The following HK1 variants were observed in gnomAD, a reference collection of about 807,000 sequenced individuals.
The protein encoded by HK1 is hexokinase 1.
In HK1, 28 loss-of-function variants were observed where a neutral mutation model predicts 91.6. The ratio of observed to expected loss-of-function variants is 0.31; its 90% CI spans 0.23 to 0.42. The LOEUF is 0.42. Ranked by LOEUF, HK1 falls within the 10% of genes least tolerant of loss-of-function variation. The probability of loss-of-function intolerance (pLI) is 1.00; values close to 1 mark genes in which losing one functional copy is unlikely to be tolerated. For missense variants in HK1, 770 were observed against 1,219.8 expected, an observed-to-expected ratio of 0.63 and a Z score of 5.49; for synonymous variants, 430 against 468.1, an observed-to-expected ratio of 0.92 and a Z score of 1.05.
intron 14 of HK1, 26 bp downstream of exon 14, chr10:69,389,322 C>A: frequency 1.3e-6 from 2 of 1,547,530 alleles, no homozygotes; most frequent in Non-Finnish European, 1.8e-6. Flanking sequence ...GGTCTCTTTC[C>A]CTGCAGAAGG....
At chr10:69,276,118 A>AAAAAAAAATATATATATATATATATAT in intron 1 of HK1, among the ~76,000 whole-genome samples, 1 of 38,272 alleles carries the variant, frequency 2.6e-5, no homozygotes, top group Non-Finnish European at 5.1e-5. Flanking sequence ...AAAAAAAAAA[A>AAAAAAAAATATATATATATATATATAT]ATACATATAT....
intron 1 of HK1, among the ~76,000 whole-genome samples, chr10:69,325,053 T>C (rs894510957): frequency 1.4e-5 from 2 of 144,472 alleles, no homozygotes; most frequent in South Asian, 4.5e-4. Flanking sequence ...TATTTTTTTT[T>C]TTTTTTTTTT....
At chr10:69,313,582 C>G (rs1041016011), upstream of HK1, among the ~76,000 whole-genome samples, 4 of 152,210 alleles carry the variant, frequency 2.6e-5, no homozygotes, top group Non-Finnish European at 5.9e-5. Context: ...CCTGCCTCAG[C>G]CTCCCAAGTA....
intron 8 of HK1, among the ~76,000 whole-genome samples, chr10:69,377,989 G>T (rs987447937): frequency 6.6e-6 from 1 of 152,232 alleles, no homozygotes; most frequent in African/African-American, 2.4e-5. Context: ...ATTTGCATCA[G>T]CTCTCTTTGA....
At position 69,398,575 on chromosome 10, in the gene HK1, C is replaced by T; in HGVS notation, c.2376-20C>T. 6.2e-7 allele frequency: 1 copy of T among 1,604,926 alleles called. No individual in the cohort carries two copies. Among genetic ancestry groups the T allele is most frequent in the South Asian group, 1.1e-5 (1 of 90,328 alleles). ...TGTGGGTCCTGCTTCATCCAGCCCT[C>T]TGGCTCTTGTCCCCCACAGTGACCG... On this transcript the variant is annotated intron_variant, in intron 16 of 17. Transcript: ENST00000359426.
intron 9 of HK1, among the ~76,000 whole-genome samples, chr10:69,381,235 C>G (rs1305293445): frequency 6.6e-6 from 1 of 151,988 alleles, no homozygotes; most frequent in African/African-American, 2.4e-5. Flanking sequence ...GTTGCAGTGA[C>G]CTGATGTGCC....
intron 11 of HK1, 141 bp downstream of exon 11, chr10:69,384,622 A>T: frequency 7.1e-7 from 1 of 1,418,032 alleles, no homozygotes; most frequent in Non-Finnish European, 9.9e-7. Context: ...GCTTTTTGCC[A>T]TGCCTGGCTT....
At chr10:69,330,207 G>A (rs1336910637) in intron 1 of HK1, among the ~76,000 whole-genome samples, 2 of 152,172 alleles carry the variant, frequency 1.3e-5, no homozygotes, top group African/African-American at 2.4e-5. Context: ...TGCCTTCTAG[G>A]ACCCTGTCTG....
intron 1 of HK1, among the ~76,000 whole-genome samples, chr10:69,324,380 C>G (rs567196185): frequency 6.6e-6 from 1 of 151,914 alleles, no homozygotes. Context: ...CATTTGAGGT[C>G]AGGAGGTCGA....
chr10:69,358,016 G>A (rs1217829102), intron 2 of HK1, among the ~76,000 whole-genome samples: 1 of 152,160 alleles, frequency 6.6e-6, no homozygotes, highest in Non-Finnish European at 1.5e-5. Flanking sequence ...TTTCAATAAT[G>A]CTGTTACATA....
At chr10:69,396,058 G>C (rs111532150) in intron 16 of HK1, among the ~76,000 whole-genome samples, 3,627 of 152,242 alleles carry the variant, frequency 0.024, 112 homozygotes, top group African/African-American at 0.069. Flanking sequence ...AATCACTTGA[G>C]TTCAGGTGTT....
chr10:69,318,787 G>T (rs547557166), upstream of HK1: 744 of 1,350,618 alleles, frequency 5.5e-4, no homozygotes, highest in South Asian at 1.4e-3. Context: ...CGCGGAGACC[G>T]GGAGCGCGCG....
intron 15 of HK1, 24 bp from the exon 16 acceptor site, chr10:69,394,926 C>T: frequency 6.2e-7 from 1 of 1,613,680 alleles, no homozygotes; most frequent in African/African-American, 1.3e-5. Flanking sequence ...CCATAGACAC[C>T]CCAGGCCCCT....
chr10:69,292,299 C>G (rs1246745227), intron 3 of HK1: 1 of 430,642 alleles, frequency 2.3e-6, no homozygotes, highest in South Asian at 1.7e-5. Flanking sequence ...TCTTAAATCC[C>G]TGGCGTCAAG....
At chr10:69,365,244 G>A (rs551525653) in intron 4 of HK1, among the ~76,000 whole-genome samples, 1 of 152,204 alleles carries the variant, frequency 6.6e-6, no homozygotes, top group East Asian at 1.9e-4. Flanking sequence ...ATGGTGTGAT[G>A]TTTACCTGGA....
At chr10:69,392,949 T>C (rs534752321) in intron 15 of HK1, among the ~76,000 whole-genome samples, 178 of 152,356 alleles carry the variant, frequency 1.2e-3, no homozygotes, top group African/African-American at 4.2e-3. Flanking sequence ...GTTATTTACT[T>C]AGTGCTTTTC....
chr10:69,375,223 A>G (rs1410136010), intron 7 of HK1, among the ~76,000 whole-genome samples: 1 of 152,244 alleles, frequency 6.6e-6, no homozygotes, highest in Non-Finnish European at 1.5e-5. Context: ...ACACATAGGA[A>G]GGGCCACAGG....
At chr10:69,354,006 G>T (rs975494095) in intron 2 of HK1, among the ~76,000 whole-genome samples, 1 of 152,202 alleles carries the variant, frequency 6.6e-6, no homozygotes, top group South Asian at 2.1e-4. Flanking sequence ...ACGAGCCCTC[G>T]ACCTGTGGGA....
chr10:69,334,052 A>G (rs2132640433), intron 1 of HK1, among the ~76,000 whole-genome samples: 1 of 152,248 alleles, frequency 6.6e-6, no homozygotes, highest in South Asian at 2.1e-4. Flanking sequence ...TGGAGTTTGC[A>G]GTGAGCTGAG....
Sources: allele counts gnomAD v4.1 joint callset (sites outside exome capture counted in the v4.1 genomes callset), GRCh38; gene constraint gnomAD v4.1.1; transcripts MANE v1.5; gene names NCBI Gene and HGNC (gene_info 2026-07-23, HGNC 2026-07-21).